The following PPFIA2 variants were observed in gnomAD, a reference collection of about 807,000 sequenced individuals.
PPFIA2 encodes the protein liprin-alpha-2.
A neutral mutation model predicts 175.5 loss-of-function variants in PPFIA2; 46 were observed. The ratio of observed to expected loss-of-function variants is 0.26; its 90% CI spans 0.21 to 0.34. PPFIA2 has a LOEUF of 0.34. PPFIA2 is among the 10% of genes least tolerant of loss of function. PPFIA2 has a pLI of 1.00. For synonymous variants in PPFIA2, 568 were observed against 511.4 expected, an observed-to-expected ratio of 1.11 and a Z score of -1.49; for missense variants, 1,179 against 1,506.1, an observed-to-expected ratio of 0.78 and a Z score of 3.60.
chr12:81,469,667 T>C (rs1486215511), intron 4 of PPFIA2, among the ~76,000 whole-genome samples: 1 of 152,202 alleles, frequency 6.6e-6, no homozygotes, highest in East Asian at 1.9e-4. Flanking sequence ...GATTAGGTAA[T>C]GGTTTCTTAA....
intron 22 of PPFIA2, among the ~76,000 whole-genome samples, chr12:81,318,308 C>T (rs541659057): frequency 2.2e-4 from 33 of 151,738 alleles, no homozygotes; most frequent in Non-Finnish European, 4.6e-4. Flanking sequence ...GTAAATGCAT[C>T]GAATTTTGAC....
At chr12:81,742,397 G>A (rs1333289408) in intron 3 of PPFIA2, among the ~76,000 whole-genome samples, 5 of 152,156 alleles carry the variant, frequency 3.3e-5, no homozygotes, top group Admixed American at 2.0e-4. Flanking sequence ...GAGTTGCAGA[G>A]GTACTTATAG....
Position 81,368,777 on chromosome 12 carries a change from T to C in PPFIA2, c.1430A>G (p.Asn477Ser), listed in dbSNP as rs770127047. Residue 477 changes from asparagine (N) to serine (S), a missense_variant, in exon 13 of 33, where the codon AAT becomes AGT. Physicochemically the swap from Asn to Ser is conservative, Grantham distance 46. This residue lies in a region of PPFIA2 where 66 missense variants were observed against 129.4 expected (regional missense o/e 0.51). Transcript: ENST00000549396. The part of the protein sequence containing the change: ...DTVDRLLTES[N>S]ERLQLHLKER... Reference sequence around the variant, plus strand: ...CTTTAAGTGTAGTTGTAGGCGTTCATTGGATTCAGTCAGAAGTCTATCAAC... The same window carrying C: ...CTTTAAGTGTAGTTGTAGGCGTTCACTGGATTCAGTCAGAAGTCTATCAAC... 2 of 1,610,672 alleles carry C rather than the reference T, an allele frequency of 1.2e-6. No individual in the cohort carries two copies. The highest frequency in any genetic ancestry group is 1.7e-6 in the Non-Finnish European group (2 of 1,177,708).
Position 81,389,327 on chromosome 12 carries a change from A to C in PPFIA2, c.763-5083T>G, listed in dbSNP as rs139726591. On this transcript the variant is annotated intron_variant, in intron 8 of 32. Coordinates refer to ENST00000549396, the MANE Select transcript of PPFIA2 (RefSeq NM_003625.5). Reference sequence around the variant, plus strand: ...ATCTTGTTAATGCACTTAACAAGAAAATTGCATACTTTTAAATGGGCTCAA... The same window carrying C: ...ATCTTGTTAATGCACTTAACAAGAACATTGCATACTTTTAAATGGGCTCAA... Among the ~76,000 whole-genome samples the C allele has an allele frequency of 1.8e-3, 269 of 151,842 alleles. 3 individuals carry two copies. Among genetic ancestry groups the C allele is most frequent in the Admixed American group, 0.015 (225 of 15,166 alleles).
intron 4 of PPFIA2, among the ~76,000 whole-genome samples, chr12:81,504,256 C>T (rs532829450): frequency 1.2e-4 from 18 of 151,996 alleles, no homozygotes; most frequent in South Asian, 8.3e-4. Context: ...ATCTGACAAA[C>T]GGCTAATATC....
At chr12:81,352,377 CAG>C (rs112117854) in intron 17 of PPFIA2, among the ~76,000 whole-genome samples, 32,234 of 144,056 alleles carry the variant, frequency 0.22, 3,399 homozygotes, top group African/African-American at 0.27. Flanking sequence ...GGGGGGCAGA[CAG>C]AGAGAGAGAG....
chr12:81,263,550 CA>C (rs1210091948), intron 30 of PPFIA2, among the ~76,000 whole-genome samples, 160 bp from the exon 31 acceptor site: 1 of 152,024 alleles, frequency 6.6e-6, no homozygotes, highest in African/African-American at 2.4e-5. Context: ...TCTATGATTC[CA>C]AAACAAGACT....
chr12:81,321,275 C>T (rs1327894320), intron 22 of PPFIA2, among the ~76,000 whole-genome samples: 2 of 152,088 alleles, frequency 1.3e-5, no homozygotes, highest in Non-Finnish European at 2.9e-5. Context: ...GAATTTGCCA[C>T]TTGCCCTATC....
chr12:81,464,876 T>C (rs1353592977), intron 4 of PPFIA2, among the ~76,000 whole-genome samples: 2 of 98,244 alleles, frequency 2.0e-5, no homozygotes, highest in South Asian at 3.7e-4. Flanking sequence ...ATAAACATAA[T>C]AGAGCTGGAA....
intron 4 of PPFIA2, among the ~76,000 whole-genome samples, chr12:81,613,416 T>C (rs2061130327): frequency 6.6e-6 from 1 of 152,162 alleles, no homozygotes; most frequent in Admixed American, 6.5e-5. Flanking sequence ...TATTATGTAG[T>C]GCACTTTTGT....
At chr12:81,446,413 C>T (rs901375317) in intron 5 of PPFIA2, among the ~76,000 whole-genome samples, 5 of 152,120 alleles carry the variant, frequency 3.3e-5, no homozygotes, top group African/African-American at 4.8e-5. Context: ...AGGCTTTACA[C>T]TCTTAGCTTT....
intron 4 of PPFIA2, among the ~76,000 whole-genome samples, chr12:81,498,990 G>A (rs1016427387): frequency 2.0e-5 from 3 of 152,158 alleles, no homozygotes; most frequent in African/African-American, 7.2e-5. Flanking sequence ...TGTGCATCAA[G>A]CAATAGAAAA....
intron 11 of PPFIA2, 64 bp from the exon 12 acceptor site, chr12:81,369,258 A>G: frequency 6.4e-7 from 1 of 1,564,404 alleles, no homozygotes; most frequent in Non-Finnish European, 8.7e-7. Flanking sequence ...TCCTCTAAAT[A>G]AATTGAAATA....
intron 14 of PPFIA2, among the ~76,000 whole-genome samples, chr12:81,363,700 T>A (rs1640879946): frequency 6.6e-6 from 1 of 151,750 alleles, no homozygotes; most frequent in Non-Finnish European, 1.5e-5. Context: ...TTATTCTCAC[T>A]ACGTCACTAC....
chr12:81,733,613 C>T (rs972645266), intron 3 of PPFIA2, among the ~76,000 whole-genome samples: 5 of 151,564 alleles, frequency 3.3e-5, no homozygotes, highest in Admixed American at 6.6e-5. Context: ...AAAGAGATTG[C>T]TTTTACAACT....
At chr12:81,367,639 A>C (rs2033890552) in intron 13 of PPFIA2, among the ~76,000 whole-genome samples, 2 of 151,638 alleles carry the variant, frequency 1.3e-5, no homozygotes, top group African/African-American at 2.4e-5. Context: ...TGGAATTAAC[A>C]ATTTATAATG....
Position 81,475,200 on chromosome 12 carries a change from C to T in PPFIA2, c.304-17334G>A, listed in dbSNP as rs183791297. On this transcript the variant is annotated intron_variant, in intron 4 of 32. Transcript: ENST00000549396. ...ACCAGAACTAAAACTTTCTGGCCTT[C>T]GTTATTTTGCCAGCTCCTTACATAG... Among the ~76,000 whole-genome samples, 399 of 152,192 alleles carry T rather than the reference C, an allele frequency of 2.6e-3. 1 individual carries two copies. Among genetic ancestry groups the T allele is most frequent in the Non-Finnish European group, 4.1e-3 (281 of 68,004 alleles).
At chr12:81,299,663 C>T (rs1057120566) in intron 22 of PPFIA2, among the ~76,000 whole-genome samples, 1 of 152,050 alleles carries the variant, frequency 6.6e-6, no homozygotes, top group African/African-American at 2.4e-5. Context: ...ATTATATTAC[C>T]AGCAAATATC....
chr12:81,597,991 T>A (rs1287858111), intron 4 of PPFIA2: 25 of 1,535,100 alleles, frequency 1.6e-5, no homozygotes, highest in Non-Finnish European at 2.1e-5. Flanking sequence ...GAGGATGCAC[T>A]TTAGGGGAGC....
Sources: gnomAD v4.1 joint callset for allele counts (sites outside exome capture counted in the v4.1 genomes callset) on GRCh38, gnomAD v4.1.1 for gene constraint, gnomAD v4.1.1 regional missense constraint, MANE v1.5 for transcripts, NCBI Gene and HGNC (gene_info 2026-07-23, HGNC 2026-07-21) for gene names.